The following XKR6 variants were observed in gnomAD, a reference collection of about 807,000 sequenced individuals.
The protein encoded by XKR6 is XK-related protein 6.
In XKR6, 22 loss-of-function variants were observed where a neutral mutation model predicts 56.7. The ratio of observed to expected loss-of-function variants is 0.39; its 90% CI spans 0.28 to 0.55. The LOEUF is 0.55. Ranked by LOEUF, XKR6 falls within the 20% of genes least tolerant of loss-of-function variation. The probability of loss-of-function intolerance (pLI) is 0.66; values close to 1 mark genes in which losing one functional copy is unlikely to be tolerated. For synonymous variants in XKR6, 524 were observed against 387.8 expected, an observed-to-expected ratio of 1.35 and a Z score of -4.13; for missense variants, 852 against 889.0, an observed-to-expected ratio of 0.96 and a Z score of 0.53.
chr8:11,116,682 A>G (rs1280090638), intron 1 of XKR6, among the ~76,000 whole-genome samples: 1 of 152,138 alleles, frequency 6.6e-6, no homozygotes, highest in Non-Finnish European at 1.5e-5. Flanking sequence ...ATTTGCTACC[A>G]TTCGTTGGCA....
chr8:11,085,813 G>A (rs567540256), intron 1 of XKR6, among the ~76,000 whole-genome samples: 6 of 152,222 alleles, frequency 3.9e-5, no homozygotes, highest in Middle Eastern at 3.4e-3. Flanking sequence ...ACCCCAGCTC[G>A]AAGCCACTGC....
chr8:11,163,480 CTT>C (rs1563185948), intron 1 of XKR6, among the ~76,000 whole-genome samples: 5 of 152,246 alleles, frequency 3.3e-5, no homozygotes, highest in Admixed American at 2.0e-4. Flanking sequence ...TACACCATGT[CTT>C]TCTTTCGTCA....
At chr8:11,031,454 C>T (rs1798991301) in intron 1 of XKR6, among the ~76,000 whole-genome samples, 1 of 152,138 alleles carries the variant, frequency 6.6e-6, no homozygotes. Context: ...ACAAGTGTAG[C>T]CCACGGGGGT....
chr8:11,130,626 T>C (rs1207206833), intron 1 of XKR6, among the ~76,000 whole-genome samples: 1 of 151,690 alleles, frequency 6.6e-6, no homozygotes, highest in Non-Finnish European at 1.5e-5. Flanking sequence ...TTTTTTTTTT[T>C]AAGTTAACTA....
At position 10,897,928 on chromosome 8, in the gene XKR6, C is replaced by A. The variant is rs774423970; in HGVS notation, c.*24G>T. ...TGCCGCAAACCAAACTTAAGGTCCC[C>A]TTCTCAACTTGGTCAAGATGCTCTT... On this transcript the variant is annotated 3_prime_UTR_variant, in exon 3 of 3. Coordinates refer to ENST00000416569, the MANE Select transcript of XKR6 (RefSeq NM_173683.4). 4 of 1,531,266 alleles carry A rather than the reference C, an allele frequency of 2.6e-6. No homozygotes were observed. The African/African-American group carries it at 5.6e-5, about 21-fold the overall frequency. 94.9% of individuals were successfully genotyped at this position (1,531,266 alleles called of 1,614,324 possible). A position where few individuals can be genotyped will look rare whatever the true frequency, so the allele number is the denominator to read the frequency against.
Position 10,898,710 on chromosome 8 carries a change from C to T in XKR6, c.1168G>A (p.Val390Met), listed in dbSNP as rs377188885. 6.7e-5 allele frequency: 108 copies of T among 1,613,920 alleles called. No homozygotes were observed. Among genetic ancestry groups the T allele is most frequent in the East Asian group, 2.7e-4 (12 of 44,868 alleles). Residue 390 changes from valine (V) to methionine (M), a missense_variant, in exon 3 of 3, where the codon GTG (valine) becomes ATG (methionine). Coordinates refer to ENST00000416569, the MANE Select transcript of XKR6 (RefSeq NM_173683.4). The surrounding 1 kb of genome is among the most constrained non-coding windows in gnomAD (Gnocchi z 6.6). Reference protein sequence around the residue: ...SIFQLYFGIFVVVHWCAMAFW... With the variant: ...SIFQLYFGIFMVVHWCAMAFW... The stretch of plus-strand genomic sequence containing the variant: ...GCCATGGCGCACCAGTGAACCACCA[C>T]GAAGATCCCAAAATAGAGCTGGAAG...
chr8:11,020,143 G>C (rs1278993841), intron 1 of XKR6, among the ~76,000 whole-genome samples: 1 of 152,130 alleles, frequency 6.6e-6, no homozygotes, highest in Non-Finnish European at 1.5e-5. Flanking sequence ...TGACTCCGTG[G>C]AGCATGGGGA....
At chr8:11,000,081 T>C (rs67113145) in intron 1 of XKR6, among the ~76,000 whole-genome samples, 36,621 of 151,992 alleles carry the variant, frequency 0.24, 4,754 homozygotes, top group African/African-American at 0.31. Flanking sequence ...CACACTCATG[T>C]TAAAGACAAA....
chr8:11,010,724 A>T (rs1192987975), intron 1 of XKR6, among the ~76,000 whole-genome samples: 1 of 151,922 alleles, frequency 6.6e-6, no homozygotes, highest in Non-Finnish European at 1.5e-5. Context: ...TTTCCATTTC[A>T]TTGACAGTCT....
intron 1 of XKR6, among the ~76,000 whole-genome samples, chr8:10,939,367 ATGACTTCCCAAGGCTACGC>A: frequency 6.6e-6 from 1 of 152,280 alleles, no homozygotes; most frequent in East Asian, 1.9e-4. Flanking sequence ...CACTCTACTG[ATGACTTCCCAAGGCTACGC>A]TGACCTGCTC....
intron 1 of XKR6, among the ~76,000 whole-genome samples, chr8:11,157,742 C>G (rs1367214226): frequency 6.6e-6 from 1 of 152,102 alleles, no homozygotes; most frequent in Non-Finnish European, 1.5e-5. Flanking sequence ...CTCAATCTCC[C>G]GGTCTCAAGC....
chr8:11,034,192 A>C (rs1315065666), intron 1 of XKR6, among the ~76,000 whole-genome samples: 1 of 152,188 alleles, frequency 6.6e-6, no homozygotes, highest in African/African-American at 2.4e-5. Context: ...AGGGGAAGAG[A>C]GAGAAGCTGA....
intron 1 of XKR6, among the ~76,000 whole-genome samples, chr8:11,145,873 G>A (rs1381847544): frequency 6.6e-6 from 1 of 151,952 alleles, no homozygotes; most frequent in Non-Finnish European, 1.5e-5. Flanking sequence ...AAATGCAAAC[G>A]ACCCACAATA....
chr8:10,965,323 C>T (rs556722432), intron 1 of XKR6, among the ~76,000 whole-genome samples: 1 of 152,220 alleles, frequency 6.6e-6, no homozygotes, highest in Non-Finnish European at 1.5e-5. Context: ...TACAGAGATG[C>T]GGGAGCAACG....
chr8:11,132,095 T>C (rs561692985), intron 1 of XKR6, among the ~76,000 whole-genome samples: 4 of 152,226 alleles, frequency 2.6e-5, no homozygotes, highest in African/African-American at 9.6e-5. Flanking sequence ...TGACCCGAGA[T>C]TCTGATGCAG....
chr8:11,136,560 C>A (rs988487713), intron 1 of XKR6, among the ~76,000 whole-genome samples: 1 of 150,290 alleles, frequency 6.7e-6, no homozygotes, highest in Non-Finnish European at 1.5e-5. Flanking sequence ...TGTGATGGTA[C>A]TTACAGGTAG....
In XKR6 at chr8:10,909,525, G is replaced by A. The variant is rs1351546607; in HGVS notation, c.962-10609C>T. ...TCCCTAAGGGCAGAGCAGGGATTTG[G>A]TTTGGTACTTCTGGAATTACATGCA... On this transcript the variant is annotated intron_variant, in intron 2 of 2. Transcript: ENST00000416569. Among the ~76,000 whole-genome samples the A allele has an allele frequency of 3.3e-5, 5 of 152,246 alleles. No homozygotes were observed. The East Asian group carries it at 9.6e-4, about 29-fold the overall frequency.
Position 10,924,615 on chromosome 8 carries a change from G to A in XKR6, c.961+19C>T, listed in dbSNP as rs371880369. 275 of 1,589,928 alleles carry A rather than the reference G, an allele frequency of 1.7e-4. 1 individual carries two copies. In the African/African-American group the frequency reaches 2.7e-3, roughly 16 times the overall value. The stretch of plus-strand genomic sequence containing the variant: ...GGAGGGCAGGCCGGGGTGGCGGGGC[G>A]CGGCCGGCGGGCACTCACAGGGCAG... On this transcript the variant is annotated intron_variant, in intron 2 of 2. Transcript: ENST00000416569.
rs1799988092 is a variant in XKR6, at chr8:10,899,956, T to G, written c.962-1040A>C. On this transcript the variant is annotated intron_variant, in intron 2 of 2. Coordinates refer to ENST00000416569, the MANE Select transcript of XKR6 (RefSeq NM_173683.4). Reference sequence around the variant, plus strand: ...CCACCCATGAACAACCAGTCATTATTCGAGTGCTGTCATACAATCTCCGTT... The same window carrying G: ...CCACCCATGAACAACCAGTCATTATGCGAGTGCTGTCATACAATCTCCGTT... Among the ~76,000 whole-genome samples, 3 of 152,338 alleles carry G rather than the reference T, an allele frequency of 2.0e-5. No individual in the cohort carries two copies. The South Asian group carries it at 6.2e-4, about 32-fold the overall frequency.
Sources: allele counts gnomAD v4.1 joint callset (sites outside exome capture counted in the v4.1 genomes callset), GRCh38; gene constraint gnomAD v4.1.1; non-coding constraint Gnocchi (gnomAD v3.1); transcripts MANE v1.5; gene names NCBI Gene and HGNC (gene_info 2026-07-23, HGNC 2026-07-21).